The following LRP1B variants were observed in gnomAD, a reference collection of about 807,000 sequenced individuals.
LRP1B encodes the protein low-density lipoprotein receptor-related protein 1B.
LRP1B carries 217 observed loss-of-function variants against 556.6 expected under a neutral mutation model. That is an observed-to-expected ratio of 0.39 (90% CI 0.35 to 0.44). The LOEUF is 0.44. Ranked by LOEUF, LRP1B falls within the 20% of genes least tolerant of loss-of-function variation. The pLI, the probability that LRP1B is intolerant of heterozygous loss-of-function variation, is 1.00. For missense variants in LRP1B, 5,053 were observed against 5,620.8 expected (o/e 0.90, Z 3.23); for synonymous variants, 2,047 against 1,865.8 (o/e 1.10, Z -2.50).
At position 141,157,086 on chromosome 2, in the gene LRP1B, G is replaced by A. The variant is rs78535019; in HGVS notation, c.1013+31335C>T. Among the ~76,000 whole-genome samples, 335 of 151,942 alleles carry A rather than the reference G, an allele frequency of 2.2e-3. 1 individual carries two copies. The highest frequency in any genetic ancestry group is 4.6e-3 in the South Asian group (22 of 4,824). The stretch of plus-strand genomic sequence containing the variant: ...TGTATTATGTATCTATTAAAAAAAC[G>A]AAGATGTTTTATGTCACCTATCATT... On this transcript the variant is annotated intron_variant, in intron 7 of 90. Transcript: ENST00000389484.
chr2:141,066,503 A>T lies in LRP1B; in HGVS notation c.1014-4230T>A, dbSNP rs570375408. The stretch of plus-strand genomic sequence containing the variant: ...CTTTAAAGGAAAGCAATTGTTATAC[A>T]TACTGACATCTTAAAGCATGCATTT... On this transcript the variant is annotated intron_variant, in intron 7 of 90. Coordinates refer to ENST00000389484, the MANE Select transcript of LRP1B (RefSeq NM_018557.3). 6.4e-4 allele frequency among the ~76,000 whole-genome samples: 97 copies of T among 152,158 alleles called. No homozygotes were observed. The Middle Eastern group carries it at 0.01, about 16-fold the overall frequency.
intron 1 of LRP1B, among the ~76,000 whole-genome samples, chr2:141,949,601 G>C (rs1422737478): frequency 6.6e-6 from 1 of 152,168 alleles, no homozygotes; most frequent in Non-Finnish European, 1.5e-5. Flanking sequence ...TGTTGGCCAG[G>C]ATGGTCTGTA....
At chr2:141,873,801 T>TAA (rs201832070) in intron 1 of LRP1B, among the ~76,000 whole-genome samples, 22,987 of 146,072 alleles carry the variant, frequency 0.16, 1,806 homozygotes, top group Non-Finnish European at 0.18. Flanking sequence ...GGGATGAGGT[T>TAA]AAAAAAAAAA....
At position 141,818,531 on chromosome 2, in the gene LRP1B, CTTTTT is replaced by C. The variant is rs70994453; in HGVS notation, c.83-8135_83-8131del. Among the ~76,000 whole-genome samples, 9 of 82,080 alleles carry C rather than the reference CTTTTT, an allele frequency of 1.1e-4. 1 individual carries two copies. Among genetic ancestry groups the C allele is most frequent in the East Asian group, 4.4e-4 (1 of 2,284 alleles). 53.8% of individuals were successfully genotyped at this position (82,080 alleles called of 152,430 possible). ...TTCCCTAAATATAACATTTCTGTAT[CTTTTT>C]TTTTTTTTTTTTTTTTTTGAGATGG... On this transcript the variant is annotated intron_variant, in intron 1 of 90. Transcript: ENST00000389484.
intron 66 of LRP1B, among the ~76,000 whole-genome samples, chr2:140,414,001 A>T (rs1480990893): frequency 6.7e-6 from 1 of 150,212 alleles, no homozygotes. Flanking sequence ...CTGCAACCTC[A>T]AACTCCTGGG....
intron 85 of LRP1B, among the ~76,000 whole-genome samples, chr2:140,270,798 A>G (rs1016454322): frequency 6.6e-6 from 1 of 151,940 alleles, no homozygotes; most frequent in East Asian, 1.9e-4. Context: ...AAAGAATGCT[A>G]AGACTTTTAG....
At chr2:140,914,832 G>T (rs1694527404) in intron 21 of LRP1B, among the ~76,000 whole-genome samples, 2 of 152,306 alleles carry the variant, frequency 1.3e-5, no homozygotes, top group South Asian at 4.1e-4. Context: ...AGGGTTAAGT[G>T]TTGCAGAGAA....
intron 3 of LRP1B, among the ~76,000 whole-genome samples, chr2:141,428,395 C>T (rs1680447977): frequency 6.6e-6 from 1 of 151,990 alleles, no homozygotes; most frequent in South Asian, 2.1e-4. Flanking sequence ...CACACATGTA[C>T]CCTAGAACTT....
intron 2 of LRP1B, among the ~76,000 whole-genome samples, chr2:141,567,926 T>C (rs1220756840): frequency 2.0e-5 from 3 of 150,072 alleles, no homozygotes; most frequent in African/African-American, 7.3e-5. Flanking sequence ...AAGGGAGCTA[T>C]AGGGGAGCAA....
At chr2:140,401,533 A>G (rs1684501614) in intron 66 of LRP1B, among the ~76,000 whole-genome samples, 1 of 152,186 alleles carries the variant, frequency 6.6e-6, no homozygotes, top group African/African-American at 2.4e-5. Context: ...GGAGAGTCAG[A>G]GTGCTGATCC....
chr2:142,070,868 C>T (rs893756092), intron 1 of LRP1B, among the ~76,000 whole-genome samples: 22 of 151,920 alleles, frequency 1.4e-4, no homozygotes, highest in Non-Finnish European at 7.4e-5. Flanking sequence ...GTACCAGATG[C>T]TTTCATATAT....
chr2:141,042,516 T>C (rs1698731679), intron 11 of LRP1B, among the ~76,000 whole-genome samples: 2 of 152,122 alleles, frequency 1.3e-5, no homozygotes, highest in African/African-American at 2.4e-5. Context: ...TGTAGCAGGC[T>C]AATGTTTTAG....
intron 7 of LRP1B, among the ~76,000 whole-genome samples, chr2:141,175,052 G>A (rs1263921852): frequency 4.6e-5 from 7 of 152,032 alleles, no homozygotes; most frequent in Non-Finnish European, 1.0e-4. Flanking sequence ...AGATGATTTA[G>A]GATATCTGGT....
At chr2:140,390,768 T>TCACACACACACACACACA (rs70985096) in intron 66 of LRP1B, among the ~76,000 whole-genome samples, 1 of 143,684 alleles carries the variant, frequency 7.0e-6, no homozygotes, top group Non-Finnish European at 1.5e-5. Flanking sequence ...AATAGAAACT[T>TCACACACACACACACACA]CACACACACA....
intron 15 of LRP1B, among the ~76,000 whole-genome samples, chr2:140,998,856 G>T (rs971433414): frequency 6.6e-6 from 1 of 152,038 alleles, no homozygotes; most frequent in Non-Finnish European, 1.5e-5. Context: ...CACAATGGCT[G>T]CAACTTTGTT....
intron 66 of LRP1B, among the ~76,000 whole-genome samples, chr2:140,421,528 CT>C (rs1685443901): frequency 6.6e-6 from 1 of 151,986 alleles, no homozygotes; most frequent in African/African-American, 2.4e-5. Flanking sequence ...CAAAATAATT[CT>C]TTGTCTTAAA....
chr2:140,556,221 A>C (rs1680726674), intron 43 of LRP1B, among the ~76,000 whole-genome samples: 1 of 152,050 alleles, frequency 6.6e-6, no homozygotes, highest in Non-Finnish European at 1.5e-5. Context: ...ACAAGCCATA[A>C]ATGAATTATC....
At chr2:141,435,886 G>A (rs956808888) in intron 3 of LRP1B, among the ~76,000 whole-genome samples, 36 of 152,118 alleles carry the variant, frequency 2.4e-4, no homozygotes, top group African/African-American at 8.2e-4. Context: ...TGGGTGGGAG[G>A]AGAAACACTG....
intron 7 of LRP1B, among the ~76,000 whole-genome samples, chr2:141,089,100 G>A (rs1189949591): frequency 6.6e-6 from 1 of 152,086 alleles, no homozygotes; most frequent in African/African-American, 2.4e-5. Context: ...CAACATCTGG[G>A]TATCCTTAGA....
Sources: allele counts gnomAD v4.1 joint callset (sites outside exome capture counted in the v4.1 genomes callset), GRCh38; gene constraint gnomAD v4.1.1; transcripts MANE v1.5; gene names NCBI Gene and HGNC (gene_info 2026-07-23, HGNC 2026-07-21).